Variants in MPPED1 observed in about 807,000 individuals in gnomAD.
MPPED1 encodes the protein metallophosphoesterase domain-containing protein 1.
In MPPED1, 16 loss-of-function variants were observed where a neutral mutation model predicts 36.2. The ratio of observed to expected loss-of-function variants is 0.44; its 90% CI spans 0.30 to 0.67. The LOEUF (loss-of-function observed/expected upper bound fraction) is 0.67, where lower values mean the gene tolerates loss of function less well. Among genes scored for constraint, MPPED1 ranks in the 30% least tolerant of loss-of-function variants. The probability of loss-of-function intolerance (pLI) is 0.10; values close to 1 mark genes in which losing one functional copy is unlikely to be tolerated. For missense variants in MPPED1, 307 were observed against 453.4 expected, an observed-to-expected ratio of 0.68 and a Z score of 2.93; for synonymous variants, 199 against 191.3, an observed-to-expected ratio of 1.04 and a Z score of -0.33.
At chr22:43,426,425 T>A (rs1929474097) in intron 2 of MPPED1, among the ~76,000 whole-genome samples, 1 of 152,016 alleles carries the variant, frequency 6.6e-6, no homozygotes, top group Non-Finnish European at 1.5e-5. Context: ...TCCAGTGCTG[T>A]AGGGCCTACG....
At chr22:43,421,216 C>T (rs1929262197) in intron 1 of MPPED1, among the ~76,000 whole-genome samples, 1 of 152,252 alleles carries the variant, frequency 6.6e-6, no homozygotes. Flanking sequence ...ATCGGCTGCA[C>T]GGCGGAGAAT....
chr22:43,447,075 C>A (rs73428309), intron 3 of MPPED1, among the ~76,000 whole-genome samples: 1 of 152,140 alleles, frequency 6.6e-6, no homozygotes, highest in East Asian at 1.9e-4. Context: ...CTTCCTCCCC[C>A]CTGCTGGTGG....
chr22:43,472,607 C>T (rs1569081107), intron 3 of MPPED1, among the ~76,000 whole-genome samples: 2 of 152,202 alleles, frequency 1.3e-5, no homozygotes, highest in Non-Finnish European at 2.9e-5. Context: ...AAGAGCAGTG[C>T]TTTCTTTCTC....
chr22:43,475,020 C>T, intron 4 of MPPED1, 59 bp downstream of exon 4: 1 of 1,523,248 alleles, frequency 6.6e-7, no homozygotes, highest in Non-Finnish European at 9.1e-7. Flanking sequence ...AGGCTGAGCG[C>T]AGGGGGTGTA....
intron 3 of MPPED1, among the ~76,000 whole-genome samples, chr22:43,462,037 G>T (rs1930973915): frequency 6.6e-6 from 1 of 152,034 alleles, no homozygotes; most frequent in African/African-American, 2.4e-5. Context: ...CTTTGAACCT[G>T]GTGCCAGAGT....
chr22:43,470,082 C>CCCAT (rs79499636), intron 3 of MPPED1, among the ~76,000 whole-genome samples: 49,405 of 149,616 alleles, frequency 0.33, 9,101 homozygotes, highest in Admixed American at 0.41. Flanking sequence ...CATCCAGCCA[C>CCCAT]CCATCCATCC....
intron 2 of MPPED1, among the ~76,000 whole-genome samples, chr22:43,431,021 ATTTTTTTTTTTTTTTTTTTTTTTTTT>A (rs135076): frequency 6.4e-4 from 27 of 42,278 alleles, no homozygotes; most frequent in African/African-American, 1.6e-3. Context: ...GTTGTTGTTA[ATTTTTTTTTTTTTTTTTTTTTTTTTT>A]TTTTTTTTTT....
At chr22:43,432,496 GGAGA>G (rs1187824429) in intron 2 of MPPED1, among the ~76,000 whole-genome samples, 1 of 121,116 alleles carries the variant, frequency 8.3e-6, no homozygotes, top group Non-Finnish European at 1.7e-5. Flanking sequence ...GAGAAAGGGA[GGAGA>G]GAGAGGGAAA....
intron 3 of MPPED1, among the ~76,000 whole-genome samples, chr22:43,473,727 G>A (rs867106): frequency 0.34 from 51,657 of 152,038 alleles, 10,183 homozygotes; most frequent in Non-Finnish European, 0.44. Flanking sequence ...GGCGAGTGGC[G>A]TTTACTGAGA....
chr22:43,433,629 G>C (rs917992796), intron 2 of MPPED1, among the ~76,000 whole-genome samples: 3 of 151,820 alleles, frequency 2.0e-5, no homozygotes, highest in African/African-American at 4.8e-5. Context: ...CCGCGGCATC[G>C]TGGTGGGGAG....
intron 3 of MPPED1, among the ~76,000 whole-genome samples, chr22:43,449,137 G>A (rs908478443): frequency 4.6e-5 from 7 of 152,098 alleles, no homozygotes; most frequent in African/African-American, 1.2e-4. Context: ...TTTCATATTC[G>A]AAATACACGT....
chr22:43,492,804 C>G (rs937058128), intron 4 of MPPED1, among the ~76,000 whole-genome samples: 1 of 151,960 alleles, frequency 6.6e-6, no homozygotes, highest in African/African-American at 2.4e-5. Flanking sequence ...TGGTAGGGGA[C>G]TGGGGAGGTG....
At chr22:43,501,541 T>C (rs184540756) in intron 5 of MPPED1, among the ~76,000 whole-genome samples, 1 of 152,320 alleles carries the variant, frequency 6.6e-6, no homozygotes, top group East Asian at 1.9e-4. Flanking sequence ...GGTGCTGCCC[T>C]TGCATCATCT....
chr22:43,455,115 C>CTTTTTTTTTTTTTTTTTTTT (rs71284734), intron 3 of MPPED1, among the ~76,000 whole-genome samples: 2 of 122,768 alleles, frequency 1.6e-5, no homozygotes, highest in African/African-American at 3.3e-5. Context: ...CCTTCATGTC[C>CTTTTTTTTTTTTTTTTTTTT]TTTTTTTTTT....
At chr22:43,415,708 G>T (rs71329189) in intron 1 of MPPED1, among the ~76,000 whole-genome samples, 3 of 152,122 alleles carry the variant, frequency 2.0e-5, no homozygotes, top group Non-Finnish European at 1.5e-5. Context: ...TCTCCCTTCT[G>T]GTTGACTCTG....
At position 43,416,165 on chromosome 22, in the gene MPPED1, C is replaced by A. The variant is rs187400210; in HGVS notation, c.-79+4007C>A. 6.6e-5 allele frequency among the ~76,000 whole-genome samples: 10 copies of A among 152,312 alleles called. No homozygotes were observed. In the East Asian group the frequency reaches 9.6e-4, roughly 15 times the overall value. On this transcript the variant is annotated intron_variant, in intron 1 of 6. Transcript: ENST00000443721. ...TCTCTCCCCTAACCCTTTTTCTGCC[C>A]TGGGTTCCCTGCACAATGCAGTGGT... is the stretch of plus-strand genomic sequence containing the variant.
chr22:43,462,236 A>G (rs1930980139), intron 3 of MPPED1, among the ~76,000 whole-genome samples: 1 of 152,150 alleles, frequency 6.6e-6, no homozygotes, highest in Non-Finnish European at 1.5e-5. Flanking sequence ...GAAGCACTTG[A>G]CTTTGAAGAT....
chr22:43,419,585 C>T (rs1283653960), intron 1 of MPPED1, among the ~76,000 whole-genome samples: 1 of 150,734 alleles, frequency 6.6e-6, no homozygotes, highest in Non-Finnish European at 1.5e-5. Context: ...GTGCTGAGTT[C>T]ACCTGAGGGC....
At chr22:43,441,468 C>G (rs1601961336) in intron 3 of MPPED1, among the ~76,000 whole-genome samples, 1 of 152,138 alleles carries the variant, frequency 6.6e-6, no homozygotes, top group African/African-American at 2.4e-5. Flanking sequence ...CTGGTCAGCA[C>G]GGGTCCTCAG....
Sources: allele counts gnomAD v4.1 joint callset (sites outside exome capture counted in the v4.1 genomes callset), GRCh38; gene constraint gnomAD v4.1.1; transcripts MANE v1.5; gene names NCBI Gene and HGNC (gene_info 2026-07-23, HGNC 2026-07-21).